Variants in MAP1LC3B observed in about 807,000 individuals in gnomAD.
The protein encoded by MAP1LC3B is microtubule associated protein 1 light chain 3 beta, also known as microtubule-associated protein 1 light chain 3 beta.
MAP1LC3B carries 12 observed loss-of-function variants against 16.7 expected under a neutral mutation model. The ratio of observed to expected loss-of-function variants is 0.72; its 90% CI spans 0.46 to 1.16. The LOEUF (loss-of-function observed/expected upper bound fraction) is 1.16, where lower values mean the gene tolerates loss of function less well. Among genes scored for constraint, MAP1LC3B ranks in the 50% most tolerant of loss-of-function variants. MAP1LC3B has a pLI of 0.00. For synonymous variants in MAP1LC3B, 63 were observed against 56.5 expected (o/e 1.11, Z -0.51); for missense variants, 155 against 159.5 (o/e 0.97, Z 0.15).
At chr16:87,394,240 TAAC>T (rs1016464397) in intron 1 of MAP1LC3B, among the ~76,000 whole-genome samples, 1 of 151,582 alleles carries the variant, frequency 6.6e-6, no homozygotes, top group African/African-American at 2.4e-5. Flanking sequence ...TCAAATATCT[TAAC>T]AGCTGTTACC....
chr16:87,398,311 A>G (rs1285937482), intron 1 of MAP1LC3B, among the ~76,000 whole-genome samples: 6 of 152,340 alleles, frequency 3.9e-5, no homozygotes, highest in African/African-American at 9.6e-5. Flanking sequence ...TACAGGCATC[A>G]TATTCCATTC....
chr16:87,395,946 C>A (rs192270152), intron 1 of MAP1LC3B, among the ~76,000 whole-genome samples: 2 of 149,294 alleles, frequency 1.3e-5, no homozygotes, highest in African/African-American at 4.9e-5. Flanking sequence ...CTGCAACCTC[C>A]GCCTCCTGGG....
At chr16:87,401,593 C>G (rs868364281) in intron 2 of MAP1LC3B, among the ~76,000 whole-genome samples, 1 of 152,168 alleles carries the variant, frequency 6.6e-6, no homozygotes, top group Non-Finnish European at 1.5e-5. Flanking sequence ...AGTGCAGTGG[C>G]GCAACCTCAG....
intron 1 of MAP1LC3B, among the ~76,000 whole-genome samples, chr16:87,395,737 A>C (rs1036993894): frequency 6.6e-6 from 1 of 152,078 alleles, no homozygotes; most frequent in African/African-American, 2.4e-5. Context: ...TTTCATGAAA[A>C]TAATCATTTT....
At chr16:87,396,107 C>T (rs111300749) in intron 1 of MAP1LC3B, among the ~76,000 whole-genome samples, 20,379 of 151,438 alleles carry the variant, frequency 0.13, 1,748 homozygotes, top group East Asian at 0.43. Context: ...GTGATCCGCC[C>T]GCCTTGGCCT....
chr16:87,400,966 C>T (rs965432616), intron 2 of MAP1LC3B, among the ~76,000 whole-genome samples: 3 of 151,918 alleles, frequency 2.0e-5, no homozygotes, highest in Non-Finnish European at 2.9e-5. Flanking sequence ...AACCCCATCT[C>T]TACTAAAAAT....
At chr16:87,396,866 C>T (rs557970443) in intron 1 of MAP1LC3B, 3 of 152,184 alleles carry the variant, frequency 2.0e-5, no homozygotes, top group South Asian at 2.1e-4. Context: ...CTTGCTCTGT[C>T]GCCCAGACTA....
At chr16:87,402,432 T>A (rs1475406937) in intron 3 of MAP1LC3B, 151 bp downstream of exon 3, 2 of 742,650 alleles carry the variant, frequency 2.7e-6, no homozygotes, top group Admixed American at 3.2e-5. Flanking sequence ...ATTAAAACAA[T>A]TTCAACTTAA....
At chr16:87,402,142 C>G in intron 2 of MAP1LC3B, 33 bp from the exon 3 acceptor site, 1 of 1,612,676 alleles carries the variant, frequency 6.2e-7, no homozygotes, top group South Asian at 1.1e-5. Context: ...GCCCTGATGA[C>G]TATTTTAAAA....
chr16:87,398,672 G>C (rs942333601), intron 1 of MAP1LC3B, 143 bp from the exon 2 acceptor site: 56 of 720,530 alleles, frequency 7.8e-5, no homozygotes, highest in Non-Finnish European at 1.2e-4. Flanking sequence ...TTCGTGTTTT[G>C]TTTCTTTAAG....
In MAP1LC3B at chr16:87,403,154, A is replaced by G. The variant is rs2873702; in HGVS notation, c.*57A>G. 1.9e-6 allele frequency: 3 copies of G among 1,557,398 alleles called. No homozygotes were observed. The highest frequency in any genetic ancestry group is 1.4e-5 in the African/African-American group (1 of 72,890). On this transcript the variant is annotated 3_prime_UTR_variant, in exon 4 of 4. Coordinates refer to ENST00000268607, the MANE Select transcript of MAP1LC3B (RefSeq NM_022818.5). The stretch of plus-strand genomic sequence containing the variant: ...TTTAAACCCTTACCAAGGAAAAAAA[A>G]GGGATGTTACCAACTGAGATCGATC...
At position 87,392,353 on chromosome 16, in the gene MAP1LC3B, C is replaced by CGCA. The variant is rs1907604512; in HGVS notation, c.-69_-67dup. 7.4e-7 allele frequency: 1 copy of CGCA among 1,344,384 alleles called. No homozygotes were observed. The highest frequency in any genetic ancestry group is 3.1e-5 in the East Asian group (1 of 31,776). 83.3% of individuals were successfully genotyped at this position (1,344,384 alleles called of 1,614,324 possible). On this transcript the variant is annotated 5_prime_UTR_variant, in exon 1 of 4. Coordinates refer to ENST00000268607, the MANE Select transcript of MAP1LC3B (RefSeq NM_022818.5). ...CTATCGCCAGAGTCGGATTCGCCGC[C>CGCA]GCAGCAGCCGCCGCCCCCGGGAGCC... is the stretch of plus-strand genomic sequence containing the variant.
At chr16:87,400,515 A>G (rs928497841) in intron 2 of MAP1LC3B, among the ~76,000 whole-genome samples, 1 of 152,062 alleles carries the variant, frequency 6.6e-6, no homozygotes, top group Non-Finnish European at 1.5e-5. Flanking sequence ...TTAAAGAAAT[A>G]TGTTATCAGA....
intron 1 of MAP1LC3B, among the ~76,000 whole-genome samples, chr16:87,397,182 T>TA (rs1439402855): frequency 6.6e-6 from 1 of 152,222 alleles, no homozygotes; most frequent in African/African-American, 2.4e-5. Context: ...TAGAAATCCA[T>TA]GAGTTTGCAA....
chr16:87,398,545 C>A (rs1396692555), intron 1 of MAP1LC3B, among the ~76,000 whole-genome samples: 1 of 152,212 alleles, frequency 6.6e-6, no homozygotes, highest in African/African-American at 2.4e-5. Flanking sequence ...ACTTTGGGCT[C>A]CCAATTCCTT....
chr16:87,402,874 CCTT>C (rs1226465965), intron 3 of MAP1LC3B, 46 bp from the exon 4 acceptor site: 5 of 1,605,802 alleles, frequency 3.1e-6, no homozygotes, highest in South Asian at 2.2e-5. Context: ...CATGCTTCAT[CCTT>C]CTTGTATTGT....
intron 3 of MAP1LC3B, 197 bp downstream of exon 3, chr16:87,402,478 A>C (rs1282333228): frequency 2.2e-5 from 13 of 597,772 alleles, no homozygotes; most frequent in Admixed American, 3.3e-5. Context: ...GTTTTATATT[A>C]CTTGCTAGAC....
chr16:87,399,835 G>A (rs1376248586), intron 2 of MAP1LC3B: 13 of 268,152 alleles, frequency 4.8e-5, no homozygotes, highest in East Asian at 1.0e-4. Flanking sequence ...GTGTAGTGGC[G>A]CGATCTCGGC....
intron 2 of MAP1LC3B, chr16:87,399,290 G>C (rs1291946448): frequency 3.7e-6 from 1 of 266,836 alleles, no homozygotes; most frequent in Non-Finnish European, 7.4e-6. Flanking sequence ...GGGATTATAG[G>C]CATGAGCCAC....
Sources: gnomAD v4.1 joint callset for allele counts (sites outside exome capture counted in the v4.1 genomes callset) on GRCh38, gnomAD v4.1.1 for gene constraint, MANE v1.5 for transcripts, NCBI Gene and HGNC (gene_info 2026-07-23, HGNC 2026-07-21) for gene names.